NFIB: variants seen among roughly 807,000 people sequenced by gnomAD.
The protein encoded by NFIB is nuclear factor 1 B-type.
NFIB carries 11 observed loss-of-function variants against 61.5 expected under a neutral mutation model. That is an observed-to-expected ratio of 0.18 (90% CI 0.11 to 0.30). NFIB has a LOEUF of 0.30. Ranked by LOEUF, NFIB falls within the 10% of genes least tolerant of loss-of-function variation. The pLI, the probability that NFIB is intolerant of heterozygous loss-of-function variation, is 1.00. For synonymous variants in NFIB, 260 were observed against 216.5 expected (o/e 1.20, Z -1.76); for missense variants, 471 against 608.9 (o/e 0.77, Z 2.38).
the NFIB span, among the ~76,000 whole-genome samples, chr9:14,479,286 A>T: frequency 6.6e-6 from 1 of 152,224 alleles, no homozygotes; most frequent in Non-Finnish European, 1.5e-5. Flanking sequence ...AGCAAGTAGC[A>T]GTGACATCAT....
At chr9:14,368,963 T>A (rs533834001) in intron 1 of NFIB, among the ~76,000 whole-genome samples, 5 of 152,278 alleles carry the variant, frequency 3.3e-5, no homozygotes, top group African/African-American at 1.2e-4. Context: ...GAACCAAGAA[T>A]AGAAAGTGAT....
At chr9:14,414,093 G>A in the NFIB span, among the ~76,000 whole-genome samples, 1 of 152,120 alleles carries the variant, frequency 6.6e-6, no homozygotes, top group African/African-American at 2.4e-5. Flanking sequence ...CGGAAGTCTA[G>A]TGAGGCACAT....
chr9:14,182,683 C>CCTCTCT (rs144528136), intron 2 of NFIB, among the ~76,000 whole-genome samples: 2,663 of 40,652 alleles, frequency 0.066, 251 homozygotes, highest in Middle Eastern at 0.17. Flanking sequence ...ACACCCCCCA[C>CCTCTCT]CTCTCTCTCT....
chr9:14,251,926 C>T (rs1255355636), intron 2 of NFIB, among the ~76,000 whole-genome samples: 1 of 152,200 alleles, frequency 6.6e-6, no homozygotes, highest in Admixed American at 6.5e-5. Flanking sequence ...AGGCAAGCCA[C>T]ACAAATTCTG....
intron 2 of NFIB, among the ~76,000 whole-genome samples, chr9:14,286,934 T>G (rs1178183536): frequency 6.6e-6 from 1 of 152,138 alleles, no homozygotes. Context: ...CAAAACCCAC[T>G]GTATATCACC....
At chr9:14,232,390 G>A (rs1007760612) in intron 2 of NFIB, among the ~76,000 whole-genome samples, 1 of 152,178 alleles carries the variant, frequency 6.6e-6, no homozygotes, top group East Asian at 1.9e-4. Flanking sequence ...CTGTCTTCCT[G>A]CTGCAAAACG....
rs114794789 is a variant in NFIB at position 14,151,629 on chromosome 9, C to T, written c.686-1364G>A. Among the ~76,000 whole-genome samples the T allele has an allele frequency of 5.2e-3, 798 of 152,242 alleles. 8 individuals carry two copies. The highest frequency in any genetic ancestry group is 0.017 in the African/African-American group (696 of 41,558). Reference sequence around the variant, plus strand: ...GAAAAGCCATAGCTGGCACTGGACTCTGGAGAATGAGTAAGAGATTAGAGG... The same window carrying T: ...GAAAAGCCATAGCTGGCACTGGACTTTGGAGAATGAGTAAGAGATTAGAGG... On this transcript the variant is annotated intron_variant, in intron 4 of 10. Transcript: ENST00000380953.
At chr9:14,314,921 G>A (rs1315743800), upstream of NFIB, among the ~76,000 whole-genome samples, 1 of 151,776 alleles carries the variant, frequency 6.6e-6, no homozygotes, top group Non-Finnish European at 1.5e-5. Context: ...TAAGCCGCGG[G>A]AACATCCGAG....
intron 1 of NFIB, among the ~76,000 whole-genome samples, chr9:14,323,068 A>C (rs920203121): frequency 6.6e-6 from 1 of 152,262 alleles, no homozygotes; most frequent in African/African-American, 2.4e-5. Context: ...GCTGGCTTCA[A>C]CTTCGCCAGG....
chr9:14,464,031 G>A, the NFIB span, among the ~76,000 whole-genome samples: 1 of 152,152 alleles, frequency 6.6e-6, no homozygotes, highest in Non-Finnish European at 1.5e-5. Flanking sequence ...CATTTTTACA[G>A]TTGGAAATTC....
chr9:14,131,447 A>C (rs2040393813), intron 6 of NFIB, among the ~76,000 whole-genome samples: 1 of 152,200 alleles, frequency 6.6e-6, no homozygotes, highest in African/African-American at 2.4e-5. Flanking sequence ...TAAGGACTTA[A>C]GCAAATAAAG....
the NFIB span, among the ~76,000 whole-genome samples, chr9:14,522,351 TG>T: frequency 1.2e-4 from 18 of 152,208 alleles, no homozygotes; most frequent in Non-Finnish European, 2.2e-4. Context: ...TTGTATTATG[TG>T]GGGTACCATT....
At chr9:14,301,944 T>C (rs1439852233) in intron 2 of NFIB, among the ~76,000 whole-genome samples, 1 of 151,916 alleles carries the variant, frequency 6.6e-6, no homozygotes, top group Non-Finnish European at 1.5e-5. Flanking sequence ...TGCACTAGAG[T>C]TCACAAGTTC....
the NFIB span, among the ~76,000 whole-genome samples, chr9:14,487,274 A>G: frequency 1.8e-4 from 28 of 152,342 alleles, no homozygotes; most frequent in African/African-American, 6.5e-4. Flanking sequence ...TAACATTTAT[A>G]TTGCTGCCTT....
At chr9:14,146,618 G>T in intron 6 of NFIB, 71 bp downstream of exon 6, 1 of 1,602,072 alleles carries the variant, frequency 6.2e-7, no homozygotes, top group South Asian at 1.1e-5. Context: ...ATGAAATTTT[G>T]ACTCAACGAA....
At chr9:14,146,926 G>T (rs1364185454) in intron 5 of NFIB, 119 bp from the exon 6 acceptor site, 2 of 1,323,442 alleles carry the variant, frequency 1.5e-6, no homozygotes, top group Admixed American at 4.5e-5. Context: ...AGTAATAATG[G>T]TGAGTATAAT....
At chr9:14,370,473 T>G (rs1444053057) in intron 1 of NFIB, among the ~76,000 whole-genome samples, 2 of 152,172 alleles carry the variant, frequency 1.3e-5, no homozygotes, top group Non-Finnish European at 2.9e-5. Flanking sequence ...CCAAATCACG[T>G]AGAAGGTGGG....
intron 1 of NFIB, among the ~76,000 whole-genome samples, chr9:14,319,672 G>A (rs2060619950): frequency 1.3e-5 from 2 of 152,104 alleles, no homozygotes; most frequent in Admixed American, 1.3e-4. Context: ...TTTTAAGACA[G>A]GTATAGAAAG....
chr9:14,168,508 A>G (rs2045187843), intron 3 of NFIB, among the ~76,000 whole-genome samples: 1 of 152,240 alleles, frequency 6.6e-6, no homozygotes, highest in South Asian at 2.1e-4. Flanking sequence ...CGCTAAAGGC[A>G]TAGTCCATGT....
Sources: allele counts gnomAD v4.1 joint callset (sites outside exome capture counted in the v4.1 genomes callset), GRCh38; gene constraint gnomAD v4.1.1; transcripts MANE v1.5; gene names NCBI Gene and HGNC (gene_info 2026-07-23, HGNC 2026-07-21).